Variants in KIF13B observed in about 807,000 individuals in gnomAD.
KIF13B encodes kinesin family member 13B, also known as kinesin-like protein KIF13B.
KIF13B carries 127 observed loss-of-function variants against 222.0 expected under a neutral mutation model. That is an observed-to-expected ratio of 0.57 (90% CI 0.50 to 0.66). The LOEUF is 0.66. Ranked by LOEUF, KIF13B falls within the 30% of genes least tolerant of loss-of-function variation. The pLI is 0.00. For missense variants in KIF13B, 2,173 were observed against 2,379.0 expected (o/e 0.91, Z 1.80); for synonymous variants, 976 against 919.0 (o/e 1.06, Z -1.12).
chr8:29,234,198 G>C (rs189187191), intron 2 of KIF13B, among the ~76,000 whole-genome samples: 113 of 152,240 alleles, frequency 7.4e-4, no homozygotes, highest in Non-Finnish European at 9.9e-4. Flanking sequence ...GCAGGGTCTT[G>C]AAGAGGTACT....
intron 26 of KIF13B, among the ~76,000 whole-genome samples, chr8:29,124,359 T>C (rs760823791): frequency 1.8e-4 from 27 of 152,224 alleles, no homozygotes; most frequent in Non-Finnish European, 2.9e-4. Context: ...ACCAGTTTTA[T>C]TTCTAATGGC....
chr8:29,218,363 A>G (rs565210977), intron 2 of KIF13B, among the ~76,000 whole-genome samples: 1 of 152,358 alleles, frequency 6.6e-6, no homozygotes, highest in South Asian at 2.1e-4. Flanking sequence ...TCAAATGTCC[A>G]GACGCCACTT....
At chr8:29,219,916 T>C (rs1814666279) in intron 2 of KIF13B, among the ~76,000 whole-genome samples, 1 of 151,742 alleles carries the variant, frequency 6.6e-6, no homozygotes, top group Non-Finnish European at 1.5e-5. Context: ...TACAAAACAT[T>C]AGCCGGGTGT....
intron 35 of KIF13B, among the ~76,000 whole-genome samples, chr8:29,100,500 T>C (rs956170639): frequency 6.6e-6 from 1 of 151,966 alleles, no homozygotes; most frequent in Non-Finnish European, 1.5e-5. Flanking sequence ...CTGAGTTTCA[T>C]TGGCGCAATC....
chr8:29,155,853 G>T lies in KIF13B; in HGVS notation c.1408C>A (p.His470Asn). ...NELLVYYLKE[H>N]TLIGSANSQD... ...GAATTTGCTGACCCTATCAATGTAT[G>T]TTCCTAAGAAAAAACCAAATTCACT... Residue 470 changes from histidine to asparagine, a missense_variant, in exon 14 of 40, where the codon CAT becomes AAT. Coordinates refer to ENST00000524189, the MANE Select transcript of KIF13B (RefSeq NM_015254.4). 6.4e-7 allele frequency: 1 copy of T among 1,570,536 alleles called. No homozygotes were observed. Among genetic ancestry groups the T allele is most frequent in the Non-Finnish European group, 8.7e-7 (1 of 1,155,396 alleles).
intron 1 of KIF13B, among the ~76,000 whole-genome samples, chr8:29,254,816 T>G (rs1816414959): frequency 6.6e-6 from 1 of 152,146 alleles, no homozygotes. Flanking sequence ...TGAAAACACA[T>G]GTCTACACAA....
At chr8:29,172,320 G>A (rs996136494) in intron 10 of KIF13B, among the ~76,000 whole-genome samples, 4 of 151,746 alleles carry the variant, frequency 2.6e-5, no homozygotes, top group African/African-American at 4.8e-5. Flanking sequence ...CTGACCTGGC[G>A]ATCCGCCTGC....
In KIF13B at chr8:29,067,958, C is replaced by T. The variant is rs76644623; in HGVS notation, c.*2546G>A. On this transcript the variant is annotated 3_prime_UTR_variant, in exon 40 of 40. Coordinates refer to ENST00000524189, the MANE Select transcript of KIF13B (RefSeq NM_015254.4). The stretch of plus-strand genomic sequence containing the variant: ...CCCCTCTGCTGCTGGACGCAGTGCC[C>T]GGGGCAGAAGTGAGCCTTCTCACCC... 9,341 of 152,490 alleles carry T rather than the reference C, an allele frequency of 0.061. 338 individuals are homozygous for T. Among genetic ancestry groups the T allele is most frequent in the Non-Finnish European group, 0.082 (5,621 of 68,188 alleles). The allele number at this position is 152,490 out of a possible 1,614,324, so 9.4% of individuals were successfully genotyped here. A position where few individuals can be genotyped will look rare whatever the true frequency, so the allele number is the denominator to read the frequency against.
intron 2 of KIF13B, 89 bp from the exon 3 acceptor site, chr8:29,196,288 G>A: frequency 1.9e-6 from 2 of 1,042,446 alleles, no homozygotes; most frequent in South Asian, 1.5e-5. Context: ...TTTTTGAAGG[G>A]TAAAATAATA....
chr8:29,168,437 C>G (rs2130174731), intron 10 of KIF13B, among the ~76,000 whole-genome samples: 1 of 152,326 alleles, frequency 6.6e-6, no homozygotes, highest in African/African-American at 2.4e-5. Flanking sequence ...TCCTGGCGCC[C>G]ACACCCTAGT....
intron 29 of KIF13B, 131 bp from the exon 30 acceptor site, chr8:29,119,123 T>C (rs1429084351): frequency 1.1e-6 from 1 of 948,742 alleles, no homozygotes; most frequent in Admixed American, 2.5e-5. Context: ...AAATCTTACA[T>C]GACACTGAAG....
chr8:29,133,690 G>A (rs73556697), intron 22 of KIF13B, among the ~76,000 whole-genome samples: 3,459 of 152,192 alleles, frequency 0.023, 122 homozygotes, highest in African/African-American at 0.079. Flanking sequence ...CAGAGCATTC[G>A]GTGCTCAATA....
intron 2 of KIF13B, among the ~76,000 whole-genome samples, chr8:29,244,076 T>C (rs970668981): frequency 6.6e-6 from 1 of 151,974 alleles, no homozygotes; most frequent in African/African-American, 2.4e-5. Flanking sequence ...TGCAGTGGTG[T>C]GATCTCGGCT....
intron 21 of KIF13B, among the ~76,000 whole-genome samples, chr8:29,134,801 T>G (rs1051914940): frequency 2.1e-4 from 32 of 152,042 alleles, no homozygotes; most frequent in Admixed American, 1.4e-3. Context: ...TGGGGAGAGA[T>G]AGAAGGGAAG....
intron 27 of KIF13B, 150 bp from the exon 28 acceptor site, chr8:29,123,642 G>T: frequency 9.8e-7 from 1 of 1,018,158 alleles, no homozygotes; most frequent in Non-Finnish European, 1.5e-6. Context: ...AGAGAGGTCA[G>T]ATGGGCTCCT....
At position 29,118,853 on chromosome 8, in the gene KIF13B, T is replaced by C; in HGVS notation, c.3660+15A>G. 1 of 1,613,038 alleles carries C rather than the reference T, an allele frequency of 6.2e-7. No homozygotes were observed. Among genetic ancestry groups the C allele is most frequent in the East Asian group, 2.2e-5 (1 of 44,874 alleles). Reference sequence around the variant, plus strand: ...CCACTTTTCATCTGACCATCCCAAGTTAGGCTTTCCTTACCTCCCCATCAT... The same window carrying C: ...CCACTTTTCATCTGACCATCCCAAGCTAGGCTTTCCTTACCTCCCCATCAT... On this transcript the variant is annotated intron_variant, in intron 30 of 39. Transcript: ENST00000524189.
chr8:29,082,727 T>C (rs996334040), intron 37 of KIF13B, among the ~76,000 whole-genome samples: 2 of 152,224 alleles, frequency 1.3e-5, no homozygotes, highest in African/African-American at 2.4e-5. Flanking sequence ...ACATATATTT[T>C]AAAAGATAGA....
chr8:29,116,424 G>A (rs945121515), intron 31 of KIF13B, among the ~76,000 whole-genome samples: 2 of 151,876 alleles, frequency 1.3e-5, no homozygotes, highest in Admixed American at 6.6e-5. Flanking sequence ...AGCTATGATC[G>A]CATCACTGTA....
Position 29,198,391 on chromosome 8 carries a change from G to A in KIF13B, c.150-2192C>T, listed in dbSNP as rs532295580. 9.1e-4 allele frequency among the ~76,000 whole-genome samples: 138 copies of A among 151,810 alleles called. 2 individuals carry two copies. The highest frequency in any genetic ancestry group is 3.4e-3 in the Middle Eastern group (1 of 294). Reference sequence around the variant, plus strand: ...GGCTGGAGTACAGTGGCGTGATCTTGGCTCACTGCAACCTCCGCCTCCTGG... The same window carrying A: ...GGCTGGAGTACAGTGGCGTGATCTTAGCTCACTGCAACCTCCGCCTCCTGG... On this transcript the variant is annotated intron_variant, in intron 2 of 39. Coordinates refer to ENST00000524189, the MANE Select transcript of KIF13B (RefSeq NM_015254.4).
Sources: gnomAD v4.1 joint callset for allele counts (sites outside exome capture counted in the v4.1 genomes callset) on GRCh38, gnomAD v4.1.1 for gene constraint, MANE v1.5 for transcripts, NCBI Gene and HGNC (gene_info 2026-07-23, HGNC 2026-07-21) for gene names.